Variants in DHFR2 observed in about 807,000 individuals in gnomAD.
DHFR2 encodes the protein dihydrofolate reductase 2, mitochondrial.
DHFR2 carries 11 observed loss-of-function variants against 12.0 expected under a neutral mutation model. That is an observed-to-expected ratio of 0.92 (90% CI 0.58 to 1.52). The LOEUF is 1.52. Ranked by LOEUF, DHFR2 falls within the 40% of genes most tolerant of loss-of-function variation. DHFR2 has a pLI of 0.00. For missense variants in DHFR2, 188 were observed against 221.2 expected, an observed-to-expected ratio of 0.85 and a Z score of 0.95; for synonymous variants, 87 against 79.6, an observed-to-expected ratio of 1.09 and a Z score of -0.49.
chr3:94,063,054 T>TAA (rs1192422229), upstream of DHFR2: 4 of 1,578,960 alleles, frequency 2.5e-6, no homozygotes, highest in African/African-American at 5.4e-5. Flanking sequence ...GTCAGACTGT[T>TAA]TTTTTCAGTT....
At chr3:94,063,278 A>G (rs2077189079), upstream of DHFR2, 4 of 879,588 alleles carry the variant, frequency 4.5e-6, no homozygotes, top group Admixed American at 3.5e-5. Flanking sequence ...CTTTGGCTTT[A>G]CTGTCAAGCC....
In DHFR2 at chr3:94,058,780, A is replaced by T. The variant is rs2077158053; in HGVS notation, c.*2168T>A. On this transcript the variant is annotated 3_prime_UTR_variant, in exon 2 of 2. Coordinates refer to ENST00000314636, the MANE Select transcript of DHFR2 (RefSeq NM_176815.5). ...CTTTATCTTCAATGCACTTCTTTCCAAATGCCCCAAATCTGGCAATAACCT... is the reference window on the plus strand; with the variant it reads ...CTTTATCTTCAATGCACTTCTTTCCTAATGCCCCAAATCTGGCAATAACCT... The T allele has an allele frequency of 6.4e-6, 1 of 155,628 alleles. No individual in the cohort carries two copies. Among genetic ancestry groups the T allele is most frequent in the South Asian group, 2.1e-4 (1 of 4,812 alleles). 9.6% of individuals were successfully genotyped at this position (155,628 alleles called of 1,614,324 possible). A position where few individuals can be genotyped will look rare whatever the true frequency, so the allele number is the denominator to read the frequency against.
In DHFR2 at chr3:94,062,871, C is replaced by T. The variant is rs2077185056; in HGVS notation, c.-221G>A. On this transcript the variant is annotated 5_prime_UTR_variant, in exon 1 of 2. Coordinates refer to ENST00000314636, the MANE Select transcript of DHFR2 (RefSeq NM_176815.5). ...TCGCTTTGGCCCTGGCCCGTTACCT[C>T]CGCGTCCTGGGAAGTATCAGCCTTT... The T allele has an allele frequency of 2.0e-6, 1 of 501,762 alleles. No individual in the cohort carries two copies. The allele number at this position is 501,762 out of a possible 1,614,324, so 31.1% of individuals were successfully genotyped here. A position where few individuals can be genotyped will look rare whatever the true frequency, so the allele number is the denominator to read the frequency against.
upstream of DHFR2, chr3:94,063,156 G>T (rs1386403407): frequency 6.2e-7 from 1 of 1,613,602 alleles, no homozygotes; most frequent in Admixed American, 1.7e-5. Context: ...CTGGGGCCCG[G>T]CTGGGTACCT....
At chr3:94,061,698 G>GTATAAATTTATAAAATATATTTATAAAA in intron 1 of DHFR2, 92 bp from the exon 2 acceptor site, 1 of 716,782 alleles carries the variant, frequency 1.4e-6, no homozygotes, top group Non-Finnish European at 1.8e-6. Context: ...TATTTATAAA[G>GTATAAATTTATAAAATATATTTATAAAA]TATAAATTTA....
intron 1 of DHFR2, among the ~76,000 whole-genome samples, chr3:94,062,062 G>GT (rs1421352439): frequency 6.6e-4 from 100 of 152,254 alleles, no homozygotes; most frequent in African/African-American, 1.9e-4. Context: ...TATCAAACCG[G>GT]TTTTTTCTAA....
At position 94,060,828 on chromosome 3, in the gene DHFR2, A is replaced by G. The variant is rs1167202705; in HGVS notation, c.*120T>C. 8.8e-7 allele frequency: 1 copy of G among 1,135,522 alleles called. No homozygotes were observed. The highest frequency in any genetic ancestry group is 1.2e-6 in the Non-Finnish European group (1 of 806,852). The allele number at this position is 1,135,522 out of a possible 1,614,324, so 70.3% of individuals were successfully genotyped here. A position where few individuals can be genotyped will look rare whatever the true frequency, so the allele number is the denominator to read the frequency against. On this transcript the variant is annotated 3_prime_UTR_variant, in exon 2 of 2. Coordinates refer to ENST00000314636, the MANE Select transcript of DHFR2 (RefSeq NM_176815.5). ...GCCAAGATTAGTGAGGAATAAAAAC[A>G]CGTTGCTTAGAAATAATTATCCATA...
rs983208424 is a variant in DHFR2, at chr3:94,058,961, A to C, written c.*1987T>G. On this transcript the variant is annotated 3_prime_UTR_variant, in exon 2 of 2. Transcript: ENST00000314636. Reference sequence around the variant, plus strand: ...ATTAGTATTTTTACTGTTTCTTTTTAAAGCTAGCTCCATAGCTGGAATATT... The same window carrying C: ...ATTAGTATTTTTACTGTTTCTTTTTCAAGCTAGCTCCATAGCTGGAATATT... 2.6e-5 allele frequency: 4 copies of C among 152,854 alleles called. No homozygotes were observed. The highest frequency in any genetic ancestry group is 9.7e-5 in the African/African-American group (4 of 41,428). The allele number at this position is 152,854 out of a possible 1,614,324, so 9.5% of individuals were successfully genotyped here. A position where few individuals can be genotyped will look rare whatever the true frequency, so the allele number is the denominator to read the frequency against.
chr3:94,061,549 G>T lies in DHFR2; in HGVS notation c.-38C>A, dbSNP rs770599715. ...TAACACCTCCGAACTTGCTGGCTAC[G>T]CCAGGAAGCCAGGCCAAGAATGCCG... On this transcript the variant is annotated 5_prime_UTR_variant, in exon 2 of 2. Coordinates refer to ENST00000314636, the MANE Select transcript of DHFR2 (RefSeq NM_176815.5). The T allele has an allele frequency of 3.7e-6, 6 of 1,608,920 alleles. No homozygotes were observed. The highest frequency in any genetic ancestry group is 4.2e-6 in the Non-Finnish European group (5 of 1,177,320).
intron 1 of DHFR2, among the ~76,000 whole-genome samples, chr3:94,062,188 A>G (rs940232289): frequency 3.3e-5 from 5 of 152,178 alleles, no homozygotes; most frequent in Middle Eastern, 3.2e-3. Context: ...ACCATTAAAC[A>G]TTGCTCCCTT....
rs2077165736 is a variant in DHFR2, at chr3:94,060,223, G to T, written c.*725C>A. 1 of 152,314 alleles carries T rather than the reference G, an allele frequency of 6.6e-6. No homozygotes were observed. Among genetic ancestry groups the T allele is most frequent in the Admixed American group, 6.5e-5 (1 of 15,278 alleles). 9.4% of individuals were successfully genotyped at this position (152,314 alleles called of 1,614,324 possible). A position where few individuals can be genotyped will look rare whatever the true frequency, so the allele number is the denominator to read the frequency against. ...ACGTTCTGCCCACACACAGGACAGGGAGCTGACAACCAAGGAGTGGGGGTT... is the reference window on the plus strand; with the variant it reads ...ACGTTCTGCCCACACACAGGACAGGTAGCTGACAACCAAGGAGTGGGGGTT... On this transcript the variant is annotated 3_prime_UTR_variant, in exon 2 of 2. Transcript: ENST00000314636.
rs182684654 is a variant in DHFR2 at position 94,062,780 on chromosome 3, C to G, written c.-130G>C. 0.012 allele frequency: 3,691 copies of G among 307,988 alleles called. 93 individuals are homozygous for G. Among genetic ancestry groups the G allele is most frequent in the African/African-American group, 0.059 (2,788 of 47,394 alleles). The allele number at this position is 307,988 out of a possible 1,614,324, so 19.1% of individuals were successfully genotyped here. A position where few individuals can be genotyped will look rare whatever the true frequency, so the allele number is the denominator to read the frequency against. On this transcript the variant is annotated 5_prime_UTR_variant, in exon 1 of 2. Transcript: ENST00000314636. The stretch of plus-strand genomic sequence containing the variant: ...CGCAGAAGCAGGGGCCGCACAGGCG[C>G]GCAGATGTGTGACTTTCTAAGGTCC...
chr3:94,061,617 A>G lies in DHFR2; in HGVS notation c.-95-11T>C. ...AATTTTTTTACGTGCCTACATTGCA[A>G]ATACAATACCACTGTATTAATTAAT... On this transcript the variant is annotated splice_polypyrimidine_tract_variant and intron_variant, in intron 1 of 1. Transcript: ENST00000314636. 6.5e-7 allele frequency: 1 copy of G among 1,544,776 alleles called. No individual in the cohort carries two copies. The highest frequency in any genetic ancestry group is 2.0e-5 in the Admixed American group (1 of 49,762).
At chr3:94,063,093 G>T, upstream of DHFR2, 1 of 1,613,724 alleles carries the variant, frequency 6.2e-7, no homozygotes, top group Non-Finnish European at 8.5e-7. Flanking sequence ...ACTGATTCGC[G>T]TACACCTGTT....
In DHFR2 at chr3:94,059,101, G is replaced by T. The variant is rs1172680446; in HGVS notation, c.*1847C>A. 1 of 152,166 alleles carries T rather than the reference G, an allele frequency of 6.6e-6. No individual in the cohort carries two copies. Among genetic ancestry groups the T allele is most frequent in the African/African-American group, 2.4e-5 (1 of 41,424 alleles). The allele number at this position is 152,166 out of a possible 1,614,324, so 9.4% of individuals were successfully genotyped here. On this transcript the variant is annotated 3_prime_UTR_variant, in exon 2 of 2. Transcript: ENST00000314636. ...CCAAGAAAGGGTACATGTAACCCCT[G>T]AGTCTTTGCTTGTCTAAAAATGTAT...
In DHFR2 at chr3:94,058,911, A is replaced by G. The variant is rs950396263; in HGVS notation, c.*2037T>C. On this transcript the variant is annotated 3_prime_UTR_variant, in exon 2 of 2. Coordinates refer to ENST00000314636, the MANE Select transcript of DHFR2 (RefSeq NM_176815.5). ...CTCCTGAGTAGCTGGGACTACAAGC[A>G]TGGGCCATCCCACCCAGCTAATCTA... 6.5e-6 allele frequency: 1 copy of G among 154,216 alleles called. No homozygotes were observed. The highest frequency in any genetic ancestry group is 2.4e-5 in the African/African-American group (1 of 41,514). The allele number at this position is 154,216 out of a possible 1,614,324, so 9.6% of individuals were successfully genotyped here.
chr3:94,058,645 G>GT lies in DHFR2; in HGVS notation c.*2302dup, dbSNP rs2077156157. 6.5e-6 allele frequency: 1 copy of GT among 152,712 alleles called. No individual in the cohort carries two copies. Among genetic ancestry groups the GT allele is most frequent in the South Asian group, 2.1e-4 (1 of 4,810 alleles). The allele number at this position is 152,712 out of a possible 1,614,324, so 9.5% of individuals were successfully genotyped here. The stretch of plus-strand genomic sequence containing the variant: ...ATTGCCCATTGTTGAGAAAAACAGC[G>GT]TATGATGCTCTTACTTCCTATCCTG... On this transcript the variant is annotated 3_prime_UTR_variant, in exon 2 of 2. Coordinates refer to ENST00000314636, the MANE Select transcript of DHFR2 (RefSeq NM_176815.5).
chr3:94,059,451 C>G lies in DHFR2; in HGVS notation c.*1497G>C, dbSNP rs1213098557. 1 of 152,264 alleles carries G rather than the reference C, an allele frequency of 6.6e-6. No individual in the cohort carries two copies. Among genetic ancestry groups the G allele is most frequent in the African/African-American group, 2.4e-5 (1 of 41,438 alleles). 9.4% of individuals were successfully genotyped at this position (152,264 alleles called of 1,614,324 possible). A position where few individuals can be genotyped will look rare whatever the true frequency, so the allele number is the denominator to read the frequency against. On this transcript the variant is annotated 3_prime_UTR_variant, in exon 2 of 2. Transcript: ENST00000314636. The stretch of plus-strand genomic sequence containing the variant: ...CTGGTCTCAGGTGATCCACCCACCT[C>G]AGCCCCCCAAAGTGCTGGGACCACA...
At position 94,061,520 on chromosome 3, in the gene DHFR2, C is replaced by T. The variant is rs1277745190; in HGVS notation, c.-9G>A. The T allele has an allele frequency of 1.9e-6, 3 of 1,613,922 alleles. No homozygotes were observed. The highest frequency in any genetic ancestry group is 2.5e-6 in the Non-Finnish European group (3 of 1,179,884). On this transcript the variant is annotated 5_prime_UTR_variant, in exon 2 of 2. Transcript: ENST00000314636. ...TTTAGCAAAAGAAACATGACAGCAG[C>T]GGTTAACACCTCCGAACTTGCTGGC...
Sources: allele counts gnomAD v4.1 joint callset (sites outside exome capture counted in the v4.1 genomes callset), GRCh38; gene constraint gnomAD v4.1.1; transcripts MANE v1.5; gene names NCBI Gene and HGNC (gene_info 2026-07-23, HGNC 2026-07-21).